The following CCNJL variants were observed in gnomAD, a reference collection of about 807,000 sequenced individuals.
CCNJL encodes cyclin J like.
CCNJL carries 33 observed loss-of-function variants against 33.4 expected under a neutral mutation model. The ratio of observed to expected loss-of-function variants is 0.99; its 90% CI spans 0.75 to 1.32. The LOEUF is 1.32. Among genes scored for constraint, CCNJL ranks in the 40% most tolerant of loss-of-function variants. CCNJL has a pLI of 0.00. For missense variants in CCNJL, 512 were observed against 499.7 expected (o/e 1.02, Z -0.23); for synonymous variants, 227 against 220.9 (o/e 1.03, Z -0.24).
chr5:160,270,271 C>T (rs1561782113), intron 3 of CCNJL, among the ~76,000 whole-genome samples: 1 of 152,226 alleles, frequency 6.6e-6, no homozygotes, highest in Non-Finnish European at 1.5e-5. Flanking sequence ...TGGTGAAACC[C>T]TGTCTCTACT....
At chr5:160,305,234 A>G (rs1262433935) in intron 2 of CCNJL, among the ~76,000 whole-genome samples, 13 of 152,204 alleles carry the variant, frequency 8.5e-5, no homozygotes, top group Non-Finnish European at 1.3e-4. Flanking sequence ...AAGGACGTGC[A>G]AGCTTCAGGA....
intron 2 of CCNJL, among the ~76,000 whole-genome samples, chr5:160,307,457 C>T (rs1270406079): frequency 6.6e-6 from 1 of 152,182 alleles, no homozygotes; most frequent in Non-Finnish European, 1.5e-5. Flanking sequence ...GTAACCAGCA[C>T]TCACCAAAAT....
At chr5:160,260,862 C>T (rs973492272) in intron 3 of CCNJL, among the ~76,000 whole-genome samples, 1 of 147,598 alleles carries the variant, frequency 6.8e-6, no homozygotes, top group Non-Finnish European at 1.5e-5. Flanking sequence ...TCAGAAGACG[C>T]CCTCCACACC....
At chr5:160,324,341 G>A (rs1220992042) in intron 1 of CCNJL, among the ~76,000 whole-genome samples, 1 of 152,224 alleles carries the variant, frequency 6.6e-6, no homozygotes, top group Non-Finnish European at 1.5e-5. Flanking sequence ...GGGAGGCCGA[G>A]GCAGGCGGAT....
intron 2 of CCNJL, among the ~76,000 whole-genome samples, chr5:160,295,305 A>G (rs925615934): frequency 6.6e-6 from 1 of 152,112 alleles, no homozygotes; most frequent in African/African-American, 2.4e-5. Context: ...CCTGTCCAAC[A>G]GGTGAAACCC....
In CCNJL at chr5:160,253,235, T is replaced by C; in HGVS notation, c.*143A>G. The C allele has an allele frequency of 1.4e-6, 1 of 697,790 alleles. No homozygotes were observed. The highest frequency in any genetic ancestry group is 2.2e-6 in the Non-Finnish European group (1 of 451,938). 43.2% of individuals were successfully genotyped at this position (697,790 alleles called of 1,614,324 possible). On this transcript the variant is annotated 3_prime_UTR_variant, in exon 6 of 6. Coordinates refer to ENST00000257536, the MANE Select transcript of CCNJL (RefSeq NM_001308173.3). ...TGAATGTTTTGCTCTGGGTCAGTTTTATTTAAAAGGAGCACAGACCCTCCA... is the reference window on the plus strand; with the variant it reads ...TGAATGTTTTGCTCTGGGTCAGTTTCATTTAAAAGGAGCACAGACCCTCCA...
chr5:160,282,155 GCTTA>G (rs1762236646), intron 2 of CCNJL, among the ~76,000 whole-genome samples: 1 of 152,150 alleles, frequency 6.6e-6, no homozygotes, highest in African/African-American at 2.4e-5. Context: ...TAACCCTGGG[GCTTA>G]CTTAACTAGC....
intron 5 of CCNJL, chr5:160,254,088 C>T (rs1760946549): frequency 4.3e-6 from 2 of 468,146 alleles, no homozygotes; most frequent in South Asian, 1.0e-4. Flanking sequence ...ACAGTCAATA[C>T]CCCAGAGAGT....
intron 1 of CCNJL, among the ~76,000 whole-genome samples, chr5:160,327,852 C>T (rs2113478942): frequency 6.6e-6 from 1 of 152,096 alleles, no homozygotes; most frequent in African/African-American, 2.4e-5. Context: ...GGAGGAAATC[C>T]AAAGAAGAAC....
chr5:160,280,760 G>A, intron 2 of CCNJL, 22 bp from the exon 3 acceptor site: 4 of 1,527,240 alleles, frequency 2.6e-6, no homozygotes, highest in Non-Finnish European at 3.6e-6. Context: ...GCGGGGCGGA[G>A]GGGTGACGGT....
chr5:160,290,744 C>T (rs1465007140), intron 2 of CCNJL, among the ~76,000 whole-genome samples: 2 of 151,958 alleles, frequency 1.3e-5, no homozygotes, highest in Admixed American at 6.6e-5. Flanking sequence ...GACCCCAATA[C>T]CTGATGCAAA....
chr5:160,252,268 C>T lies in CCNJL; in HGVS notation c.*1110G>A, dbSNP rs1453859684. 1 of 152,628 alleles carries T rather than the reference C, an allele frequency of 6.6e-6. No individual in the cohort carries two copies. The highest frequency in any genetic ancestry group is 1.5e-5 in the Non-Finnish European group (1 of 68,044). 9.5% of individuals were successfully genotyped at this position (152,628 alleles called of 1,614,324 possible). On this transcript the variant is annotated 3_prime_UTR_variant, in exon 6 of 6. Coordinates refer to ENST00000257536, the MANE Select transcript of CCNJL (RefSeq NM_001308173.3). Reference sequence around the variant, plus strand: ...TTGATCCAACCAGTCGCTTGCCTATCAATGGTGGTATCAAACGCCCATGTA... The same window carrying T: ...TTGATCCAACCAGTCGCTTGCCTATTAATGGTGGTATCAAACGCCCATGTA...
chr5:160,278,772 A>G (rs190279382), intron 3 of CCNJL, among the ~76,000 whole-genome samples: 2 of 152,218 alleles, frequency 1.3e-5, no homozygotes, highest in Non-Finnish European at 2.9e-5. Context: ...GATGCAGCCC[A>G]CAGATCACAG....
In CCNJL at chr5:160,278,768, G is replaced by A. The variant is rs575746653; in HGVS notation, c.280+1757C>T. ...CCTGCCCCCAGCGGGCCGCGATGCA[G>A]CCCACAGATCACAGACAGCAGCAGG... On this transcript the variant is annotated intron_variant, in intron 3 of 5. Transcript: ENST00000257536. Among the ~76,000 whole-genome samples the A allele has an allele frequency of 2.8e-4, 43 of 152,336 alleles. No individual in the cohort carries two copies. The South Asian group carries it at 8.5e-3, about 30-fold the overall frequency.
intron 3 of CCNJL, chr5:160,274,868 CG>C (rs1389425369): frequency 6.6e-6 from 1 of 152,064 alleles, no homozygotes; most frequent in Non-Finnish European, 1.5e-5. Context: ...GCTCAGGGTC[CG>C]GAAGTGACAG....
chr5:160,258,881 G>T (rs1761193429), intron 4 of CCNJL, among the ~76,000 whole-genome samples: 1 of 152,238 alleles, frequency 6.6e-6, no homozygotes, highest in South Asian at 2.1e-4. Flanking sequence ...TATTTTAGTA[G>T]AGACAGGGTT....
rs1434309502 is a variant in CCNJL, at chr5:160,249,540, A to T, written c.*3838T>A. On this transcript the variant is annotated 3_prime_UTR_variant, in exon 6 of 6. Transcript: ENST00000257536. ...CACTTTGGGAGGCCGAGGCAGTCAG[A>T]TTGCTTGAGCTCAGGAGTCTGAGAC... 6.6e-6 allele frequency: 1 copy of T among 152,154 alleles called. No homozygotes were observed. The highest frequency in any genetic ancestry group is 6.5e-5 in the Admixed American group (1 of 15,274). The allele number at this position is 152,154 out of a possible 1,614,324, so 9.4% of individuals were successfully genotyped here. A position where few individuals can be genotyped will look rare whatever the true frequency, so the allele number is the denominator to read the frequency against.
intron 2 of CCNJL, among the ~76,000 whole-genome samples, chr5:160,292,666 G>A (rs1762624261): frequency 7.2e-6 from 1 of 138,976 alleles, no homozygotes; most frequent in Admixed American, 7.0e-5. Flanking sequence ...ACATGTGTGT[G>A]TATATATATA....
intron 3 of CCNJL, among the ~76,000 whole-genome samples, chr5:160,262,230 C>A (rs1431183979): frequency 6.6e-6 from 1 of 152,196 alleles, no homozygotes; most frequent in African/African-American, 2.4e-5. Context: ...TTGCACAGCA[C>A]TGCTGGCAGC....
Sources: gnomAD v4.1 joint callset for allele counts (sites outside exome capture counted in the v4.1 genomes callset) on GRCh38, gnomAD v4.1.1 for gene constraint, MANE v1.5 for transcripts, NCBI Gene and HGNC (gene_info 2026-07-23, HGNC 2026-07-21) for gene names.